SESN1: variants seen among roughly 807,000 people sequenced by gnomAD.
SESN1 encodes sestrin-1.
SESN1 carries 30 observed loss-of-function variants against 59.3 expected under a neutral mutation model. The observed-to-expected ratio is 0.51, with a 90% CI of 0.38 to 0.69. The LOEUF is 0.69. Ranked by LOEUF, SESN1 falls within the 30% of genes least tolerant of loss-of-function variation. SESN1 has a pLI of 0.00. For synonymous variants in SESN1, 197 were observed against 219.9 expected, an observed-to-expected ratio of 0.90 and a Z score of 0.92; for missense variants, 566 against 673.0, an observed-to-expected ratio of 0.84 and a Z score of 1.76.
chr6:109,073,629 GA>G (rs770003109), intron 1 of SESN1, among the ~76,000 whole-genome samples: 1 of 152,048 alleles, frequency 6.6e-6, no homozygotes, highest in East Asian at 1.9e-4. Flanking sequence ...ACACAAAGGG[GA>G]AAAAACCCAC....
At chr6:109,039,716 C>T (rs1054135940) in intron 1 of SESN1, among the ~76,000 whole-genome samples, 1 of 152,200 alleles carries the variant, frequency 6.6e-6, no homozygotes, top group African/African-American at 2.4e-5. Flanking sequence ...AAACGAGAAC[C>T]AGTATTTTCA....
At chr6:109,035,372 T>C (rs898461032) in intron 1 of SESN1, among the ~76,000 whole-genome samples, 3 of 152,200 alleles carry the variant, frequency 2.0e-5, no homozygotes, top group African/African-American at 7.2e-5. Context: ...ATTTGTACAC[T>C]ACACCTCTGT....
chr6:108,989,600 G>T (rs932576195), intron 8 of SESN1, among the ~76,000 whole-genome samples: 13 of 141,776 alleles, frequency 9.2e-5, no homozygotes, highest in African/African-American at 3.0e-4. Context: ...GAGATAGAGA[G>T]AGATAGATAT....
intron 1 of SESN1, chr6:109,008,708 G>T: frequency 1.1e-6 from 1 of 895,782 alleles, no homozygotes; most frequent in Non-Finnish European, 1.3e-6. Context: ...TTTCCTATTT[G>T]CAACCACTTA....
intron 1 of SESN1, among the ~76,000 whole-genome samples, chr6:109,070,202 C>A (rs1216283186): frequency 6.6e-6 from 1 of 152,202 alleles, no homozygotes; most frequent in Admixed American, 6.5e-5. Flanking sequence ...GGGGCCCCTA[C>A]ACTTTAGAGG....
At chr6:109,055,661 C>CAAAAAAAAA (rs577017689) in intron 1 of SESN1, among the ~76,000 whole-genome samples, 11 of 51,192 alleles carry the variant, frequency 2.1e-4, no homozygotes, top group African/African-American at 2.8e-4. Flanking sequence ...GACTCCACCT[C>CAAAAAAAAA]AAAAAAAAAA....
chr6:109,071,353 C>CTTTTTTTTT (rs78641650), intron 1 of SESN1, among the ~76,000 whole-genome samples: 19 of 136,638 alleles, frequency 1.4e-4, no homozygotes, highest in South Asian at 7.2e-4. Flanking sequence ...GTTTTTGTTT[C>CTTTTTTTTT]TTTTTTTTTT....
At chr6:109,013,164 A>C (rs145679179) in intron 1 of SESN1, among the ~76,000 whole-genome samples, 62 of 152,270 alleles carry the variant, frequency 4.1e-4, no homozygotes, top group Non-Finnish European at 1.2e-4. Flanking sequence ...TACGGATTTC[A>C]TTCTTAAGGG....
At chr6:108,996,154 T>C (rs779223733) in intron 5 of SESN1, among the ~76,000 whole-genome samples, 2 of 152,256 alleles carry the variant, frequency 1.3e-5, no homozygotes, top group Non-Finnish European at 2.9e-5. Flanking sequence ...ACCTGGTACA[T>C]AGTAGATATT....
At chr6:109,045,191 T>C (rs1487362824) in intron 1 of SESN1, among the ~76,000 whole-genome samples, 2 of 152,148 alleles carry the variant, frequency 1.3e-5, no homozygotes, top group Non-Finnish European at 2.9e-5. Context: ...TACTAACCTC[T>C]TGTCAAGTTC....
intron 9 of SESN1, 115 bp downstream of exon 9, chr6:108,988,427 GT>G: frequency 1.2e-6 from 1 of 863,708 alleles, no homozygotes; most frequent in Non-Finnish European, 1.7e-6. Flanking sequence ...GTCCTGGAAT[GT>G]TTTTCTTTGG....
Position 109,044,311 on chromosome 6 carries a change from C to CAAAAAAAAAA in SESN1, c.280-41978_280-41969dup, listed in dbSNP as rs71015570. ...TAGATGACACAGTGAGAACTTGCCT[C>CAAAAAAAAAA]AAAAAAAAAAAAAAAAAAAAAAAAA... On this transcript the variant is annotated intron_variant, in intron 1 of 9. Coordinates refer to ENST00000436639, the MANE Select transcript of SESN1 (RefSeq NM_014454.3). Among the ~76,000 whole-genome samples, 17 of 28,458 alleles carry CAAAAAAAAAA rather than the reference C, an allele frequency of 6.0e-4. 2 individuals are homozygous for CAAAAAAAAAA. The highest frequency in any genetic ancestry group is 1.1e-3 in the South Asian group (1 of 932). The allele number at this position is 28,458 out of a possible 152,430, so 18.7% of individuals were successfully genotyped here. A position where few individuals can be genotyped will look rare whatever the true frequency, so the allele number is the denominator to read the frequency against.
At chr6:108,992,333 C>T (rs915295142) in intron 7 of SESN1, among the ~76,000 whole-genome samples, 5 of 152,164 alleles carry the variant, frequency 3.3e-5, no homozygotes, top group South Asian at 4.2e-4. Flanking sequence ...CCAGGCTGGT[C>T]GTGGAATGCC....
intron 1 of SESN1, among the ~76,000 whole-genome samples, chr6:109,039,422 A>G (rs1014070252): frequency 8.5e-5 from 13 of 152,234 alleles, no homozygotes; most frequent in Non-Finnish European, 1.8e-4. Context: ...ATTAATGTCA[A>G]AGTATCATCA....
Position 108,998,515 on chromosome 6 carries a change from A to G in SESN1, c.970T>C (p.Ser324Pro), listed in dbSNP as rs746834049. 1 of 1,613,726 alleles carries G rather than the reference A, an allele frequency of 6.2e-7. No individual in the cohort carries two copies. The highest frequency in any genetic ancestry group is 2.2e-5 in the East Asian group (1 of 44,882). The change falls in exon 5 of 10, where the codon TCT becomes CCT. Residue 324 changes from serine (S) to proline (P), a missense_variant and splice_region_variant. Coordinates refer to ENST00000436639, the MANE Select transcript of SESN1 (RefSeq NM_014454.3). ...EMPVNSAENV[S>P]VSDSFFEVEA... Reference sequence around the variant, plus strand: ...ATCTCATGACAAATAATACTTACAGAAACATTTTCTGCTGAGTTGACCGGC... The same window carrying G: ...ATCTCATGACAAATAATACTTACAGGAACATTTTCTGCTGAGTTGACCGGC...
chr6:109,051,951 C>G (rs955362520), intron 1 of SESN1, among the ~76,000 whole-genome samples: 2 of 152,074 alleles, frequency 1.3e-5, no homozygotes, highest in Non-Finnish European at 2.9e-5. Context: ...TTTTAAAGAC[C>G]CCACCTCTTA....
intron 1 of SESN1, among the ~76,000 whole-genome samples, chr6:109,070,083 A>G (rs927896881): frequency 1.3e-5 from 2 of 152,124 alleles, no homozygotes; most frequent in Admixed American, 6.5e-5. Flanking sequence ...TTAATGTTCC[A>G]TTTTATTTTT....
chr6:109,037,085 G>A (rs1411159093), intron 1 of SESN1, among the ~76,000 whole-genome samples: 5 of 152,240 alleles, frequency 3.3e-5, no homozygotes, highest in African/African-American at 1.2e-4. Context: ...GCATAAAAAG[G>A]CATGAAAACT....
At chr6:109,086,792 G>T (rs2114480660) in intron 1 of SESN1, among the ~76,000 whole-genome samples, 3 of 152,276 alleles carry the variant, frequency 2.0e-5, no homozygotes, top group Admixed American at 2.0e-4. Context: ...AAATGAATCA[G>T]TTTTTTTCAT....
Sources: allele counts gnomAD v4.1 joint callset (sites outside exome capture counted in the v4.1 genomes callset), GRCh38; gene constraint gnomAD v4.1.1; transcripts MANE v1.5; gene names NCBI Gene and HGNC (gene_info 2026-07-23, HGNC 2026-07-21).